The following WNK1 variants were observed in gnomAD, a reference collection of about 807,000 sequenced individuals.
The protein encoded by WNK1 is serine/threonine-protein kinase WNK1.
Under a neutral mutation model 222.8 loss-of-function variants are expected in WNK1, and 38 were observed. That is an observed-to-expected ratio of 0.17 (90% CI 0.13 to 0.22). The LOEUF (loss-of-function observed/expected upper bound fraction) is 0.22. WNK1 is among the 10% of genes least tolerant of loss of function. The pLI, the probability that WNK1 is intolerant of heterozygous loss-of-function variation, is 1.00. For synonymous variants in WNK1, 1,090 were observed against 1,092.9 expected, an observed-to-expected ratio of 1.00 and a Z score of 0.05; for missense variants, 2,348 against 2,918.4, an observed-to-expected ratio of 0.80 and a Z score of 4.50.
At chr12:816,047 A>G (rs1471018674) in intron 2 of WNK1, among the ~76,000 whole-genome samples, 1 of 152,214 alleles carries the variant, frequency 6.6e-6, no homozygotes, top group Non-Finnish European at 1.5e-5. Context: ...TGTCCATGCA[A>G]GGACAGAAAG....
chr12:889,767 C>T (rs1368594151), intron 21 of WNK1, among the ~76,000 whole-genome samples: 8 of 152,026 alleles, frequency 5.3e-5, no homozygotes, highest in African/African-American at 1.7e-4. Context: ...TGCAGTGAGC[C>T]GAGATTGCAC....
Position 880,776 on chromosome 12 carries a change from C to T in WNK1, c.2888C>T (p.Ser963Phe), listed in dbSNP as rs768585422. 1.2e-6 allele frequency: 2 copies of T among 1,614,096 alleles called. No homozygotes were observed. Among genetic ancestry groups the T allele is most frequent in the Non-Finnish European group, 1.7e-6 (2 of 1,180,014 alleles). ...QYPGDSNIAP[S>F]SNVASVCIHS... ...CCAGGAGATTCAAATATTGCTCCCTCTTCCAACGTGGCTTCTGTTTGCATC... is the reference window on the plus strand; with the variant it reads ...CCAGGAGATTCAAATATTGCTCCCTTTTCCAACGTGGCTTCTGTTTGCATC... Residue 963 changes from serine to phenylalanine, a missense_variant, in exon 12 of 28, where the codon TCT becomes TTT. Around this residue, in one of 13 missense-constraint regions of WNK1, gnomAD observed 547 missense variants for 558.3 expected, o/e 0.98. Coordinates refer to ENST00000315939, the MANE Select transcript of WNK1 (RefSeq NM_018979.4).
Position 897,610 on chromosome 12 carries a change from G to A in WNK1, c.6377G>A (p.Arg2126Gln), listed in dbSNP as rs376938138. The A allele has an allele frequency of 1.1e-5, 17 of 1,614,008 alleles. No homozygotes were observed. Among genetic ancestry groups the A allele is most frequent in the East Asian group, 2.2e-5 (1 of 44,884 alleles). ...GCTCCCCTTTCAGGGAGAAGACGAC[G>A]ACCCACTAAAAGCAAAGGCAGCAAA... ...PAAPLSGRRR[R>Q]PTKSKGSKSS... Residue 2126 changes from arginine (R) to glutamine (Q), a missense_variant, in exon 25 of 28, where the codon CGA becomes CAA. This residue lies in a region of WNK1 where 1,144 missense variants were observed against 1,273.6 expected (regional missense o/e 0.90). Transcript: ENST00000315939.
rs780023691 is a variant in WNK1, at chr12:883,419, A to G, written c.3514A>G (p.Ile1172Val). ...IMVNNDFILA[I>V]ERESFVDQVR... ...GGTGAACAATGACTTTATTCTAGCA[A>G]TAGAGAGAGAGTCGTTTGTGGATCA... Residue 1172 changes from isoleucine (I) to valine (V), a missense_variant, in exon 16 of 28, where the codon ATA (isoleucine) becomes GTA (valine). This residue lies in a region of WNK1 where 1,144 missense variants were observed against 1,273.6 expected (regional missense o/e 0.90). Transcript: ENST00000315939. 6.2e-6 allele frequency: 10 copies of G among 1,614,108 alleles called. No homozygotes were observed. The African/African-American group carries it at 1.1e-4, about 17-fold the overall frequency.
chr12:775,767 C>T (rs1446221124), intron 1 of WNK1, among the ~76,000 whole-genome samples: 1 of 152,112 alleles, frequency 6.6e-6, no homozygotes, highest in African/African-American at 2.4e-5. Context: ...ATGAACCAGA[C>T]ACTGTGTTTT....
chr12:757,336 A>T (rs1454283594), intron 1 of WNK1, among the ~76,000 whole-genome samples: 234 of 66,162 alleles, frequency 3.5e-3, no homozygotes, highest in East Asian at 0.013. Context: ...TTTTTTTTAA[A>T]AAAAAAAAGA....
In WNK1 at chr12:766,897, C is replaced by T. The variant is rs549211576; in HGVS notation, c.759+12573C>T. The stretch of plus-strand genomic sequence containing the variant: ...GTTCAAGTGATTCTCCTGCCTCAGC[C>T]TCCCAAGCAGCTGGGATTACAGGTG... On this transcript the variant is annotated intron_variant, in intron 1 of 27. Coordinates refer to ENST00000315939, the MANE Select transcript of WNK1 (RefSeq NM_018979.4). 7.7e-4 allele frequency among the ~76,000 whole-genome samples: 117 copies of T among 152,266 alleles called. 1 individual carries two copies. Among genetic ancestry groups the T allele is most frequent in the African/African-American group, 2.6e-3 (108 of 41,552 alleles).
At chr12:833,577 C>T (rs1948968593) in intron 4 of WNK1, among the ~76,000 whole-genome samples, 2 of 141,876 alleles carry the variant, frequency 1.4e-5, no homozygotes, top group South Asian at 4.2e-4. Context: ...TCCTCCATGA[C>T]ATTTTATCTG....
rs1555118662 is a variant in WNK1, at chr12:839,906, T to TTA, written c.1311+9746_1311+9747insTA. 1.8e-4 allele frequency among the ~76,000 whole-genome samples: 25 copies of TTA among 140,796 alleles called. 3 individuals carry two copies. Among genetic ancestry groups the TTA allele is most frequent in the Admixed American group, 6.7e-4 (9 of 13,418 alleles). The allele number at this position is 140,796 out of a possible 152,430, so 92.4% of individuals were successfully genotyped here. A position where few individuals can be genotyped will look rare whatever the true frequency, so the allele number is the denominator to read the frequency against. The stretch of plus-strand genomic sequence containing the variant: ...CTAATTTTTTTTTTTTTTTTTTTTT[T>TTA]AAGTAGAGATGGAGTTTCACCATGT... On this transcript the variant is annotated intron_variant, in intron 4 of 27. Transcript: ENST00000315939.
intron 2 of WNK1, among the ~76,000 whole-genome samples, chr12:824,471 G>C (rs1948184801): frequency 6.6e-6 from 1 of 151,954 alleles, no homozygotes. Context: ...AATTCCCAAA[G>C]AATAGGTTCT....
intron 4 of WNK1, among the ~76,000 whole-genome samples, chr12:831,758 T>C (rs1043905961): frequency 6.6e-6 from 1 of 152,126 alleles, no homozygotes; most frequent in Non-Finnish European, 1.5e-5. Flanking sequence ...TAAATATTAA[T>C]AGATGTAACA....
At chr12:828,509 C>T (rs928884841) in intron 3 of WNK1, among the ~76,000 whole-genome samples, 3 of 152,034 alleles carry the variant, frequency 2.0e-5, no homozygotes, top group Non-Finnish European at 2.9e-5. Context: ...CTGTCTTGTA[C>T]GTTGTAAGAC....
At chr12:848,735 A>AT (rs776584047) in intron 4 of WNK1, among the ~76,000 whole-genome samples, 20 of 152,160 alleles carry the variant, frequency 1.3e-4, no homozygotes, top group Non-Finnish European at 2.5e-4. Context: ...AAATCCAGAG[A>AT]AAGGCACTGA....
At chr12:876,923 G>T (rs1952671641) in intron 9 of WNK1, among the ~76,000 whole-genome samples, 1 of 151,978 alleles carries the variant, frequency 6.6e-6, no homozygotes, top group African/African-American at 2.4e-5. Context: ...TGGAGAATAG[G>T]ATTAGGGGTA....
intron 4 of WNK1, among the ~76,000 whole-genome samples, chr12:842,712 G>C (rs1265171317): frequency 6.6e-6 from 1 of 152,152 alleles, no homozygotes; most frequent in Non-Finnish European, 1.5e-5. Context: ...CTTGAGGGAA[G>C]GGGCTTATAT....
At position 879,841 on chromosome 12, in the gene WNK1, C is replaced by T. The variant is rs183506727; in HGVS notation, c.2642C>T (p.Thr881Ile). The T allele has an allele frequency of 4.3e-5, 70 of 1,614,162 alleles. No homozygotes were observed. The East Asian group carries it at 1.4e-3, about 32-fold the overall frequency. Residue 881 changes from threonine to isoleucine, a missense_variant, in exon 11 of 28, where the codon ACA (threonine) becomes ATA (isoleucine). This residue lies in a region of WNK1 where 547 missense variants were observed against 558.3 expected (regional missense o/e 0.98). Transcript: ENST00000315939. The stretch of plus-strand genomic sequence containing the variant: ...CTGCTCACGTTGGCTTCATCTGCTA[C>T]AACAGCTGCGATCCCGGGGGTATCA... ...QPLLTLASSA[T>I]TAAIPGVSTV...
Position 896,364 on chromosome 12 carries a change from T to G in WNK1, c.5877T>G (p.Ser1959=). 4 of 1,614,210 alleles carry G rather than the reference T, an allele frequency of 2.5e-6. No individual in the cohort carries two copies. The East Asian group carries it at 8.9e-5, about 36-fold the overall frequency. Residue 1959 remains serine, a synonymous_variant, in exon 24 of 28, where the codon TCT becomes TCG. Coordinates refer to ENST00000315939, the MANE Select transcript of WNK1 (RefSeq NM_018979.4). ...TTTANKVGRF[S]VSKTEDKITD... is the part of the protein sequence containing the mutation. ...CAGCAAACAAAGTGGGTCGTTTCTC[T>G]GTATCAAAAACTGAGGACAAGATCA...
intron 1 of WNK1, among the ~76,000 whole-genome samples, chr12:760,909 G>C (rs909554774): frequency 2.8e-5 from 4 of 145,152 alleles, no homozygotes; most frequent in Admixed American, 2.7e-4. Flanking sequence ...GAGTAGCTGG[G>C]ATTACAGGCA....
intron 27 of WNK1, 24 bp downstream of exon 27, chr12:908,058 G>T (rs769127201): frequency 8.7e-6 from 14 of 1,613,132 alleles, no homozygotes; most frequent in Non-Finnish European, 1.2e-5. Context: ...TTGCCGCAGA[G>T]AATCCGTAAC....
Sources: gnomAD v4.1 joint callset for allele counts (sites outside exome capture counted in the v4.1 genomes callset) on GRCh38, gnomAD v4.1.1 for gene constraint, gnomAD v4.1.1 regional missense constraint, MANE v1.5 for transcripts, NCBI Gene and HGNC (gene_info 2026-07-23, HGNC 2026-07-21) for gene names.